PHB2: variants seen among roughly 807,000 people sequenced by gnomAD.
The protein encoded by PHB2 is prohibitin 2, also known as prohibitin-2.
PHB2 carries 22 observed loss-of-function variants against 46.4 expected under a neutral mutation model. That is an observed-to-expected ratio of 0.47 (90% CI 0.34 to 0.68). PHB2 has a LOEUF of 0.68. PHB2 is among the 30% of genes least tolerant of loss of function. The probability of loss-of-function intolerance (pLI) is 0.01; values close to 1 mark genes in which losing one functional copy is unlikely to be tolerated. For synonymous variants in PHB2, 156 were observed against 150.5 expected, an observed-to-expected ratio of 1.04 and a Z score of -0.27; for missense variants, 305 against 382.8, an observed-to-expected ratio of 0.80 and a Z score of 1.70.
chr12:6,968,638 T>C, intron 3 of PHB2, 43 bp from the exon 4 acceptor site: 14 of 1,515,694 alleles, frequency 9.2e-6, no homozygotes, highest in Non-Finnish European at 1.2e-5. Context: ...CCAAACACCC[T>C]TTCCCAAGCA....
In PHB2 at chr12:6,969,586, G is replaced by A. The variant is rs782036602; in HGVS notation, c.213-9C>T. 10 of 1,569,008 alleles carry A rather than the reference G, an allele frequency of 6.4e-6. No individual in the cohort carries two copies. The highest frequency in any genetic ancestry group is 3.3e-5 in the South Asian group (3 of 89,610). On this transcript the variant is annotated splice_polypyrimidine_tract_variant and intron_variant, in intron 2 of 9. Transcript: ENST00000535923. Reference sequence around the variant, plus strand: ...ACTGGAACCAAGGGATCCTGGAGAGGACAGGGATAGGTATTAAGAGGCCAC... The same window carrying A: ...ACTGGAACCAAGGGATCCTGGAGAGAACAGGGATAGGTATTAAGAGGCCAC...
Position 6,965,601 on chromosome 12 carries a change from G to C in PHB2, c.*84C>G. The C allele has an allele frequency of 9.3e-7, 1 of 1,073,808 alleles. No individual in the cohort carries two copies. The highest frequency in any genetic ancestry group is 1.4e-6 in the Non-Finnish European group (1 of 703,056). The allele number at this position is 1,073,808 out of a possible 1,614,324, so 66.5% of individuals were successfully genotyped here. ...TCGCATGATACTGGGGCGGGGTAGG[G>C]CTGTGCTGGACCCCTGGCTGGCTCC... On this transcript the variant is annotated 3_prime_UTR_variant, in exon 10 of 10. Coordinates refer to ENST00000535923, the MANE Select transcript of PHB2 (RefSeq NM_001144831.2).
Position 6,967,450 on chromosome 12 carries a change from G to T in PHB2, c.712-202C>A, listed in dbSNP as rs781868597. On this transcript the variant is annotated intron_variant, in intron 6 of 9. Coordinates refer to ENST00000535923, the MANE Select transcript of PHB2 (RefSeq NM_001144831.2). The surrounding 1 kb of genome is among the most constrained non-coding windows in gnomAD (Gnocchi z 4.9). ...ACTAGGGGCAGCACCAGAAATGAAG[G>T]CAAGGCCACCAATGCTATTGATCTG... 1.0e-5 allele frequency: 12 copies of T among 1,181,046 alleles called. No homozygotes were observed. The South Asian group carries it at 1.5e-4, about 14-fold the overall frequency. The allele number at this position is 1,181,046 out of a possible 1,614,324, so 73.2% of individuals were successfully genotyped here.
At chr12:6,970,681 G>T (rs782484300), upstream of PHB2, 3 of 1,116,744 alleles carry the variant, frequency 2.7e-6, no homozygotes, top group African/African-American at 3.1e-5. Flanking sequence ...CAGCGGAAGT[G>T]CGCTCCCTTT....
chr12:6,967,761 C>G lies in PHB2; in HGVS notation c.626G>C (p.Arg209Pro). The change falls in exon 6 of 10, where the codon CGG (arginine) becomes CCG (proline). Residue 209 changes from arginine (R) to proline (P), a missense_variant. Arg to Pro is a moderately radical substitution (Grantham distance 103, BLOSUM62 -2). Around this residue, in one of 3 missense-constraint regions of PHB2, gnomAD observed 241 missense variants for 302.7 expected, o/e 0.80. Coordinates refer to ENST00000535923, the MANE Select transcript of PHB2 (RefSeq NM_001144831.2). The surrounding 1 kb of genome is among the most constrained non-coding windows in gnomAD (Gnocchi z 4.9). ...AKQVAQQEAQ[R>P]AQFLVEKAKQ... ...TGCTTTTTCTACCAAGAATTGGGCCCGCTGGGCCTCCTGCTGGGCTGTGGT... is the reference window on the plus strand; with the variant it reads ...TGCTTTTTCTACCAAGAATTGGGCCGGCTGGGCCTCCTGCTGGGCTGTGGT... The G allele has an allele frequency of 6.2e-7, 1 of 1,613,888 alleles. No individual in the cohort carries two copies. Among genetic ancestry groups the G allele is most frequent in the Non-Finnish European group, 8.5e-7 (1 of 1,179,850 alleles).
At chr12:6,970,383 G>C in intron 1 of PHB2, 34 bp downstream of exon 1, 1 of 1,604,010 alleles carries the variant, frequency 6.2e-7, no homozygotes, top group Non-Finnish European at 8.5e-7. Context: ...GGGAGGGACT[G>C]GAAGCGTCCG....
chr12:6,965,754 A>AC, intron 9 of PHB2, 42 bp from the exon 10 acceptor site: 1 of 1,589,570 alleles, frequency 6.3e-7, no homozygotes. Context: ...ATTAGGGGAC[A>AC]TAAATGTGAG....
chr12:6,967,571 G>A lies in PHB2; in HGVS notation c.711+105C>T, dbSNP rs782297165. On this transcript the variant is annotated intron_variant, in intron 6 of 9. Coordinates refer to ENST00000535923, the MANE Select transcript of PHB2 (RefSeq NM_001144831.2). The surrounding 1 kb of genome is among the most constrained non-coding windows in gnomAD (Gnocchi z 4.9). ...CCAACAAGGAGCCAAGGGCCAGAGA[G>A]CACGGAGTCGCATTCGCCTTAGTCT... 2 of 1,002,766 alleles carry A rather than the reference G, an allele frequency of 2.0e-6. No homozygotes were observed. The highest frequency in any genetic ancestry group is 2.4e-5 in the East Asian group (1 of 42,220). The allele number at this position is 1,002,766 out of a possible 1,614,324, so 62.1% of individuals were successfully genotyped here.
In PHB2 at chr12:6,969,176, G is replaced by C. The variant is rs1946270860; in HGVS notation, c.292+322C>G. The stretch of plus-strand genomic sequence containing the variant: ...AACTTCTCCAGAACAGAGTGTACTA[G>C]TGGATGTAACTGTAGATATAGTAAG... On this transcript the variant is annotated intron_variant, in intron 3 of 9. Transcript: ENST00000535923. 3.3e-5 allele frequency among the ~76,000 whole-genome samples: 5 copies of C among 152,146 alleles called. No homozygotes were observed. The South Asian group carries it at 1.0e-3, about 32-fold the overall frequency.
rs1210700866 is a variant in PHB2, at chr12:6,970,639, G to C, written c.-96C>G. On this transcript the variant is annotated 5_prime_UTR_variant, in exon 1 of 10. Transcript: ENST00000535923. ...TAGGTACTGCACCCTTCACACGAGGGTTCGGGCCCGTAAGGCTGGCGAAAG... is the reference window on the plus strand; with the variant it reads ...TAGGTACTGCACCCTTCACACGAGGCTTCGGGCCCGTAAGGCTGGCGAAAG... The C allele has an allele frequency of 2.1e-6, 3 of 1,399,768 alleles. No homozygotes were observed. Among genetic ancestry groups the C allele is most frequent in the Admixed American group, 2.3e-5 (1 of 44,262 alleles). The allele number at this position is 1,399,768 out of a possible 1,614,324, so 86.7% of individuals were successfully genotyped here. A position where few individuals can be genotyped will look rare whatever the true frequency, so the allele number is the denominator to read the frequency against.
intron 3 of PHB2, among the ~76,000 whole-genome samples, chr12:6,968,904 G>A (rs1946262618): frequency 6.6e-6 from 1 of 152,208 alleles, no homozygotes; most frequent in Non-Finnish European, 1.5e-5. Flanking sequence ...CTCCTGTAAG[G>A]ACTTGGGGGA....
chr12:6,968,911 G>C (rs1555151424), intron 3 of PHB2, among the ~76,000 whole-genome samples: 1 of 152,182 alleles, frequency 6.6e-6, no homozygotes, highest in African/African-American at 2.4e-5. Flanking sequence ...AAGGACTTGG[G>C]GGACAAGAAT....
chr12:6,970,336 C>T, intron 1 of PHB2, 56 bp from the exon 2 acceptor site: 1 of 1,605,910 alleles, frequency 6.2e-7, no homozygotes, highest in Admixed American at 1.7e-5. Context: ...AAATGCTAGG[C>T]CCGTGGAGGG....
At chr12:6,968,273 T>C (rs1946250566) in intron 4 of PHB2, 138 bp downstream of exon 4, 5 of 710,714 alleles carry the variant, frequency 7.0e-6, no homozygotes, top group Non-Finnish European at 1.2e-5. Context: ...TATTTCACAG[T>C]GGCAATTAGC....
chr12:6,970,594 G>T lies in PHB2; in HGVS notation c.-51C>A. On this transcript the variant is annotated 5_prime_UTR_variant, in exon 1 of 10. Transcript: ENST00000535923. ...GGAGGTCAGAAGGGGGTGCCGGCCC[G>T]CCTCTACCCCGCTCCGGCTTAGGTA... 6.5e-7 allele frequency: 1 copy of T among 1,549,536 alleles called. No homozygotes were observed.
chr12:6,969,213 G>GA (rs782805536), intron 3 of PHB2, among the ~76,000 whole-genome samples: 7 of 151,564 alleles, frequency 4.6e-5, no homozygotes, highest in African/African-American at 9.7e-5. Context: ...CAAGCAGTTA[G>GA]AAAAAAAAGG....
Position 6,965,561 on chromosome 12 carries a change from C to G in PHB2, c.*124G>C, listed in dbSNP as rs188386815. 2 of 754,858 alleles carry G rather than the reference C, an allele frequency of 2.6e-6. No homozygotes were observed. The highest frequency in any genetic ancestry group is 4.7e-6 in the Non-Finnish European group (2 of 425,312). The allele number at this position is 754,858 out of a possible 1,614,324, so 46.8% of individuals were successfully genotyped here. The stretch of plus-strand genomic sequence containing the variant: ...TTAATCCAAGAGGGGTTCAGGGAAC[C>G]GGTGTGGGGGACCATCGCATGATAC... On this transcript the variant is annotated 3_prime_UTR_variant, in exon 10 of 10. Coordinates refer to ENST00000535923, the MANE Select transcript of PHB2 (RefSeq NM_001144831.2).
At position 6,970,214 on chromosome 12, in the gene PHB2, G is replaced by A. The variant is rs782269928; in HGVS notation, c.194C>T (p.Ala65Val). 1.9e-6 allele frequency: 3 copies of A among 1,613,548 alleles called. No individual in the cohort carries two copies. Residue 65 changes from alanine to valine, a missense_variant, in exon 2 of 10, where the codon GCC becomes GTC. Physicochemically the swap from Ala to Val is moderately conservative, Grantham distance 64 (BLOSUM62 0). Transcript: ENST00000535923. Reference protein sequence around the residue: ...IGGVQQDTILAEGLHFRIPWF... With the variant: ...IGGVQQDTILVEGLHFRIPWF... ...CCATTACCTGAAGTGAAGGCCCTCG[G>A]CCAGGATAGTGTCCTGCTGCACTCC...
At chr12:6,969,259 G>A (rs782731778) in intron 3 of PHB2, among the ~76,000 whole-genome samples, 1 of 152,220 alleles carries the variant, frequency 6.6e-6, no homozygotes, top group African/African-American at 2.4e-5. Flanking sequence ...CAGTGAACAA[G>A]ACGAGGGACA....
Sources: allele counts gnomAD v4.1 joint callset (sites outside exome capture counted in the v4.1 genomes callset), GRCh38; gene constraint gnomAD v4.1.1; regional missense constraint gnomAD v4.1.1; non-coding constraint Gnocchi (gnomAD v3.1); transcripts MANE v1.5; gene names NCBI Gene and HGNC (gene_info 2026-07-23, HGNC 2026-07-21).